Variants in ASH1L observed in about 807,000 individuals in gnomAD.
ASH1L encodes the protein ASH1 like histone lysine methyltransferase, also known as histone-lysine N-methyltransferase ASH1L.
Under a neutral mutation model 269.0 loss-of-function variants are expected in ASH1L, and 23 were observed. The ratio of observed to expected loss-of-function variants is 0.09; its 90% CI spans 0.06 to 0.12. The LOEUF is 0.12. Ranked by LOEUF, ASH1L falls within the 10% of genes least tolerant of loss-of-function variation. The pLI, the probability that ASH1L is intolerant of heterozygous loss-of-function variation, is 1.00. For missense variants in ASH1L, 2,912 were observed against 3,567.8 expected (o/e 0.82, Z 4.68); for synonymous variants, 1,187 against 1,253.5 (o/e 0.95, Z 1.12).
chr1:155,438,596 A>G lies in ASH1L; in HGVS notation c.5559T>C (p.Pro1853=). The change falls in exon 5 of 28, where the codon CCT becomes CCC. Residue 1853 remains proline, a synonymous_variant. Transcript: ENST00000392403. The part of the protein sequence containing the change: ...NNFVKRRPGR[P]RKCPLQAVVS... ...CGACAGCCTGAAGGGGACATTTCCG[A>G]GGTCGACCTGGCCTACGTTTCACAA... is the stretch of plus-strand genomic sequence containing the variant. The G allele has an allele frequency of 6.2e-7, 1 of 1,614,172 alleles. No individual in the cohort carries two copies. Among genetic ancestry groups the G allele is most frequent in the East Asian group, 2.2e-5 (1 of 44,886 alleles).
At chr1:155,452,017 G>A (rs1359609907) in intron 4 of ASH1L, among the ~76,000 whole-genome samples, 2 of 149,010 alleles carry the variant, frequency 1.3e-5, no homozygotes, top group Non-Finnish European at 3.0e-5. Flanking sequence ...CATTGCACAC[G>A]GCTTTAGAAA....
Position 155,481,253 on chromosome 1 carries a change from A to G in ASH1L, c.1617T>C (p.Asp539=). The change falls in exon 3 of 28, where the codon GAT becomes GAC. Residue 539 remains aspartate (D), a synonymous_variant. Transcript: ENST00000392403. ...TGAATGGGGATTTAGCGGTAGATAC[A>G]TCAGAAGCACCTCCCATTTTAAAGT... ...SPDFKMGGAS[D]VSTAKSPFSA... 1.9e-6 allele frequency: 3 copies of G among 1,614,148 alleles called. No individual in the cohort carries two copies. Among genetic ancestry groups the G allele is most frequent in the Non-Finnish European group, 8.5e-7 (1 of 1,180,000 alleles).
chr1:155,460,792 T>C (rs1214275332), intron 3 of ASH1L, among the ~76,000 whole-genome samples: 1 of 152,200 alleles, frequency 6.6e-6, no homozygotes, highest in African/African-American at 2.4e-5. Context: ...GCTATATACA[T>C]AAAAGCTTAT....
chr1:155,504,021 C>T (rs1558173579), intron 2 of ASH1L, among the ~76,000 whole-genome samples: 1 of 152,156 alleles, frequency 6.6e-6, no homozygotes, highest in South Asian at 2.1e-4. Context: ...CCATGTCCAG[C>T]CCATAACTCT....
chr1:155,460,011 G>A (rs900744672), intron 3 of ASH1L, 113 bp from the exon 4 acceptor site: 1 of 701,184 alleles, frequency 1.4e-6, no homozygotes, highest in African/African-American at 1.8e-5. Context: ...GTCATCCCCT[G>A]TAATAACATG....
intron 5 of ASH1L, chr1:155,434,221 G>C: frequency 6.3e-7 from 1 of 1,599,502 alleles, no homozygotes; most frequent in Non-Finnish European, 8.5e-7. Flanking sequence ...CCTTTCCCCC[G>C]TCTCCGTCAC....
chr1:155,555,951 G>A (rs1338640158), intron 1 of ASH1L, among the ~76,000 whole-genome samples: 1 of 152,190 alleles, frequency 6.6e-6, no homozygotes, highest in East Asian at 1.9e-4. Context: ...AAGCAAGAGG[G>A]GAAGGAGGGA....
At chr1:155,374,686 G>C (rs1424586394) in intron 10 of ASH1L, among the ~76,000 whole-genome samples, 1 of 151,948 alleles carries the variant, frequency 6.6e-6, no homozygotes. Flanking sequence ...TTCCCACCTT[G>C]CCAATACCAA....
At chr1:155,563,090 C>A, upstream of ASH1L, 1 of 457,952 alleles carries the variant, frequency 2.2e-6, no homozygotes, top group South Asian at 1.5e-5. Context: ...GGCTCCTCGC[C>A]GCAGCGCTGC....
At chr1:155,349,649 A>C in intron 17 of ASH1L, 53 bp from the exon 18 acceptor site, 1 of 1,515,146 alleles carries the variant, frequency 6.6e-7, no homozygotes, top group Non-Finnish European at 9.1e-7. Context: ...AAGGGAGGCA[A>C]GCATCTCCTA....
At chr1:155,514,551 A>T (rs1301585068) in intron 2 of ASH1L, among the ~76,000 whole-genome samples, 2 of 135,600 alleles carry the variant, frequency 1.5e-5, no homozygotes. Context: ...TTTATTTTAT[A>T]TTTATATTTA....
In ASH1L at chr1:155,337,614, T is replaced by C. The variant is rs768382171; in HGVS notation, c.*46A>G. ...CCAGAGAGCAGGAGGCAGGACTGAT[T>C]AGCTCCACTGGATCCCAGATGCTTG... On this transcript the variant is annotated 3_prime_UTR_variant, in exon 28 of 28. Transcript: ENST00000392403. The C allele has an allele frequency of 1.3e-6, 2 of 1,532,422 alleles. No individual in the cohort carries two copies. Among genetic ancestry groups the C allele is most frequent in the South Asian group, 1.1e-5 (1 of 89,278 alleles). The allele number at this position is 1,532,422 out of a possible 1,614,324, so 94.9% of individuals were successfully genotyped here.
rs530014281 is a variant in ASH1L at position 155,343,320 on chromosome 1, A to T, written c.8287T>A (p.Cys2763Ser). 2.5e-6 allele frequency: 4 copies of T among 1,612,336 alleles called. No homozygotes were observed. In the African/African-American group the frequency reaches 5.3e-5, roughly 22 times the overall value. ...ACTAGCCCAGATCACTTACCTTTACAATACGTATAAAGGTCCAACACACAG... is the reference window on the plus strand; with the variant it reads ...ACTAGCCCAGATCACTTACCTTTACTATACGTATAAAGGTCCAACACACAG... ...TCCVLDLYTY[C>S]KGRPKGVKEQ... Residue 2763 changes from cysteine (C) to serine (S), a missense_variant, in exon 24 of 28, where the codon TGT becomes AGT. Physicochemically the swap from Cys to Ser is moderately radical, Grantham distance 112. Transcript: ENST00000392403. The surrounding 1 kb of genome is among the most constrained non-coding windows in gnomAD (Gnocchi z 6.1).
In ASH1L at chr1:155,337,384, G is replaced by A. The variant is rs533749529; in HGVS notation, c.*276C>T. 4.0e-5 allele frequency: 11 copies of A among 273,818 alleles called. No homozygotes were observed. 17.0% of individuals were successfully genotyped at this position (273,818 alleles called of 1,614,324 possible). ...ATGCTATAAAGTACCAGTAGGTTCT[G>A]GTCATCAATGTGGTCCTCCCTCCTC... On this transcript the variant is annotated 3_prime_UTR_variant, in exon 28 of 28. Coordinates refer to ENST00000392403, the MANE Select transcript of ASH1L (RefSeq NM_018489.3).
Position 155,438,571 on chromosome 1 carries a change from C to A in ASH1L, c.5584G>T (p.Val1862Leu). 2.5e-6 allele frequency: 4 copies of A among 1,613,910 alleles called. No homozygotes were observed. Among genetic ancestry groups the A allele is most frequent in the African/African-American group, 1.3e-5 (1 of 75,030 alleles). ...GCAGCCTGGAATGCTTGCATTGATA[C>A]GACAGCCTGAAGGGGACATTTCCGA... ...RPRKCPLQAV[V>L]SMQAFQAAQF... Residue 1862 changes from valine to leucine, a missense_variant, in exon 5 of 28, where the codon GTA (valine) becomes TTA (leucine). Coordinates refer to ENST00000392403, the MANE Select transcript of ASH1L (RefSeq NM_018489.3).
chr1:155,351,940 G>C (rs949474617), intron 17 of ASH1L, among the ~76,000 whole-genome samples: 2 of 151,694 alleles, frequency 1.3e-5, no homozygotes, highest in African/African-American at 4.8e-5. Flanking sequence ...TCCAGATATT[G>C]AATAATTTAG....
Position 155,480,085 on chromosome 1 carries a change from G to A in ASH1L, c.2785C>T (p.His929Tyr), listed in dbSNP as rs888117492. The part of the protein sequence containing the change: ...PSKLESESDN[H>Y]RSSSDFFESE... ...TCAAAGAAATCACTGCTACTTCTAT[G>A]GTTGTCACTTTCAGATTCTAGCTTG... is the stretch of plus-strand genomic sequence containing the variant. Residue 929 changes from histidine (H) to tyrosine (Y), a missense_variant, in exon 3 of 28, where the codon CAT (histidine) becomes TAT (tyrosine). Transcript: ENST00000392403. The A allele has an allele frequency of 3.1e-6, 5 of 1,613,902 alleles. No individual in the cohort carries two copies. Among genetic ancestry groups the A allele is most frequent in the African/African-American group, 1.3e-5 (1 of 74,878 alleles).
In ASH1L at chr1:155,336,299, T is replaced by C. The variant is rs1201270365; in HGVS notation, c.*1361A>G. 6.6e-6 allele frequency: 1 copy of C among 152,116 alleles called. No individual in the cohort carries two copies. The highest frequency in any genetic ancestry group is 6.6e-5 in the Admixed American group (1 of 15,200). 9.4% of individuals were successfully genotyped at this position (152,116 alleles called of 1,614,324 possible). On this transcript the variant is annotated 3_prime_UTR_variant, in exon 28 of 28. Coordinates refer to ENST00000392403, the MANE Select transcript of ASH1L (RefSeq NM_018489.3). ...ATATTAGAAAAAAGTAATGGGGACA[T>C]GTTTACTATTGTATTGCTTACCAAT...
At chr1:155,469,189 A>AT (rs71991918) in intron 3 of ASH1L, among the ~76,000 whole-genome samples, 363 of 146,648 alleles carry the variant, frequency 2.5e-3, no homozygotes, top group African/African-American at 5.3e-3. Flanking sequence ...TAATTAATTA[A>AT]TTTTTTTTTT....
Sources: gnomAD v4.1 joint callset for allele counts (sites outside exome capture counted in the v4.1 genomes callset) on GRCh38, gnomAD v4.1.1 for gene constraint, Gnocchi (gnomAD v3.1) non-coding constraint, MANE v1.5 for transcripts, NCBI Gene and HGNC (gene_info 2026-07-23, HGNC 2026-07-21) for gene names.